Variants in ZNF721 observed in about 807,000 individuals in gnomAD.
ZNF721 encodes the protein zinc finger protein 721.
ZNF721 carries 2 observed loss-of-function variants against 2.4 expected under a neutral mutation model. The ratio of observed to expected loss-of-function variants is 0.82; its 90% CI spans 0.34 to 2.58. The LOEUF is 2.58. ZNF721 is among the 30% of genes most tolerant of loss of function. The probability of loss-of-function intolerance (pLI) is 0.11; values close to 1 mark genes in which losing one functional copy is unlikely to be tolerated. For missense variants in ZNF721, 1,187 were observed against 1,085.5 expected (o/e 1.09, Z -1.31); for synonymous variants, 398 against 381.8 (o/e 1.04, Z -0.50).
rs1162419908 is a variant in ZNF721 at position 471,078 on chromosome 4, T to C, written c.34+1497A>G. Among the ~76,000 whole-genome samples, 3 of 151,768 alleles carry C rather than the reference T, an allele frequency of 2.0e-5. No homozygotes were observed. In the East Asian group the frequency reaches 5.8e-4, roughly 29 times the overall value. ...GCAATTCAAAGCAAAACAATAATAA[T>C]GATGATAACCCATTCAAAAATGGGC... On this transcript the variant is annotated intron_variant, in intron 2 of 2. Transcript: ENST00000511833.
rs777532496 is a variant in ZNF721, at chr4:444,256, T to A, written c.211A>T (p.Lys71Ter). Residue 71 changes from lysine to a stop codon, truncating the protein, a stop_gained, in exon 3 of 3, where the codon AAA becomes TAA. Coordinates refer to ENST00000511833, the MANE Select transcript of ZNF721 (RefSeq NM_133474.4). LOFTEE classifies it low-confidence loss of function (END_TRUNC). ...VQKGVYNGIN[K>*]CLSNTQSKIF... is the part of the protein sequence containing the mutation. ...TTGCTCTGAGTATTTGACAAGCATT[T>A]ATTAATTCCATTATAAACTCCCTTC... The A allele has an allele frequency of 6.2e-7, 1 of 1,613,840 alleles. No individual in the cohort carries two copies. Among genetic ancestry groups the A allele is most frequent in the South Asian group, 1.1e-5 (1 of 91,054 alleles).
intron 2 of ZNF721, among the ~76,000 whole-genome samples, chr4:462,113 A>T (rs1715090151): frequency 1.3e-5 from 2 of 152,208 alleles, no homozygotes; most frequent in Non-Finnish European, 2.9e-5. Flanking sequence ...TACCAATAAT[A>T]GACAAACAGA....
intron 2 of ZNF721, among the ~76,000 whole-genome samples, chr4:468,900 A>G (rs568528739): frequency 1.3e-4 from 20 of 152,332 alleles, no homozygotes; most frequent in Admixed American, 8.5e-4. Context: ...ATTATTACCA[A>G]AAGTTTGTAT....
At chr4:479,601 G>A (rs549948159) in intron 1 of ZNF721, among the ~76,000 whole-genome samples, 6 of 152,372 alleles carry the variant, frequency 3.9e-5, no homozygotes, top group African/African-American at 1.2e-4. Flanking sequence ...GCCCTGATGA[G>A]AGGGGTGATG....
In ZNF721 at chr4:443,122, C is replaced by G; in HGVS notation, c.1345G>C (p.Glu449Gln). ...GAATGTATAAAGGCTTTCCCACATT[C>G]TTTACATTTGTAGGGTTTATCTCCA... The part of the protein sequence containing the change: ...HTGDKPYKCK[E>Q]CGKAFIHSLH... The change falls in exon 3 of 3, where the codon GAA (glutamate) becomes CAA (glutamine). Residue 449 changes from glutamate to glutamine, a missense_variant. Transcript: ENST00000511833. 1 of 1,613,846 alleles carries G rather than the reference C, an allele frequency of 6.2e-7. No homozygotes were observed. Among genetic ancestry groups the G allele is most frequent in the Non-Finnish European group, 8.5e-7 (1 of 1,179,856 alleles).
intron 1 of ZNF721, among the ~76,000 whole-genome samples, chr4:492,003 ATAC>A (rs1716034116): frequency 6.6e-6 from 1 of 150,602 alleles, no homozygotes; most frequent in Non-Finnish European, 1.5e-5. Flanking sequence ...AAAAAAAAAA[ATAC>A]AAAAAATTAG....
At chr4:495,392 C>A (rs1363925409) in intron 1 of ZNF721, among the ~76,000 whole-genome samples, 2 of 141,968 alleles carry the variant, frequency 1.4e-5, no homozygotes, top group Admixed American at 1.4e-4. Flanking sequence ...AAACATGAAA[C>A]CTTCTAAATA....
Position 463,174 on chromosome 4 carries a change from G to A in ZNF721, c.34+9401C>T, listed in dbSNP as rs148645505. ...GAGAAAAAGCTCATCGTCACTGGTCGTTAGAGAAATGCAAATCAAAACCAC... is the reference window on the plus strand; with the variant it reads ...GAGAAAAAGCTCATCGTCACTGGTCATTAGAGAAATGCAAATCAAAACCAC... On this transcript the variant is annotated intron_variant, in intron 2 of 2. Coordinates refer to ENST00000511833, the MANE Select transcript of ZNF721 (RefSeq NM_133474.4). Among the ~76,000 whole-genome samples, 1,140 of 152,278 alleles carry A rather than the reference G, an allele frequency of 7.5e-3. 12 individuals carry two copies. The highest frequency in any genetic ancestry group is 0.071 in the Middle Eastern group (21 of 294).
rs782005434 is a variant in ZNF721, at chr4:443,183, C to A, written c.1284G>T (p.Leu428Phe). ...TCEDRGRAFGLSTNLNEYKKI... is the reference protein window; with the variant it reads ...TCEDRGRAFGFSTNLNEYKKI... ...TCTTATATTCATTCAGGTTTGTGGA[C>A]AATCCAAAGGCTCTGCCACGATCTT... The change falls in exon 3 of 3, where the codon TTG becomes TTT. Residue 428 changes from leucine to phenylalanine, a missense_variant. By Grantham distance (22) the Leu-to-Phe change is conservative. Transcript: ENST00000511833. 1.2e-6 allele frequency: 2 copies of A among 1,613,722 alleles called. No individual in the cohort carries two copies. The highest frequency in any genetic ancestry group is 1.1e-5 in the South Asian group (1 of 91,064).
chr4:460,627 C>CAA (rs199519505), intron 2 of ZNF721, among the ~76,000 whole-genome samples: 6 of 101,394 alleles, frequency 5.9e-5, no homozygotes, highest in African/African-American at 1.8e-4. Context: ...AAGACCCTTT[C>CAA]AAAAAAAAAA....
At chr4:467,216 CA>C (rs782621988) in intron 2 of ZNF721, among the ~76,000 whole-genome samples, 4 of 105,110 alleles carry the variant, frequency 3.8e-5, no homozygotes, top group East Asian at 2.4e-4. Context: ...GACTCCATCT[CA>C]AAAAAAAAAC....
chr4:499,113 G>A lies in ZNF721; in HGVS notation c.-151C>T, dbSNP rs1039098357. The A allele has an allele frequency of 3.5e-6, 2 of 567,340 alleles. No individual in the cohort carries two copies. Among genetic ancestry groups the A allele is most frequent in the Non-Finnish European group, 6.1e-6 (2 of 328,670 alleles). The allele number at this position is 567,340 out of a possible 1,614,324, so 35.1% of individuals were successfully genotyped here. On this transcript the variant is annotated 5_prime_UTR_variant, in exon 1 of 3. Coordinates refer to ENST00000511833, the MANE Select transcript of ZNF721 (RefSeq NM_133474.4). ...CGGGAAGACGGCCCCACGGAGCCGG[G>A]AACACCGCCCGCTGTTCGTATGTCC...
At chr4:461,192 A>C (rs975695757) in intron 2 of ZNF721, among the ~76,000 whole-genome samples, 2 of 152,206 alleles carry the variant, frequency 1.3e-5, no homozygotes, top group Non-Finnish European at 1.5e-5. Context: ...TCGATGTGAA[A>C]ATCCTCAATA....
chr4:455,538 G>A (rs1714818971), intron 2 of ZNF721, among the ~76,000 whole-genome samples: 1 of 151,972 alleles, frequency 6.6e-6, no homozygotes, highest in Admixed American at 6.5e-5. Flanking sequence ...CTGCGCTCTA[G>A]CCTGGCAACA....
In ZNF721 at chr4:444,432, G is replaced by A. The variant is rs1553863933; in HGVS notation, c.35C>T (p.Ala12Val). The change falls in exon 3 of 3, where the codon GCT becomes GTT. Residue 12 changes from alanine (A) to valine (V), a missense_variant and splice_region_variant. By Grantham distance (64) the Ala-to-Val change is moderately conservative. Coordinates refer to ENST00000511833, the MANE Select transcript of ZNF721 (RefSeq NM_133474.4). Reference sequence around the variant, plus strand: ...GTCTTGGGTGAAATGAGAACACATAGCTGAAAGAAACAAAAATAACAAATT... The same window carrying A: ...GTCTTGGGTGAAATGAGAACACATAACTGAAAGAAACAAAAATAACAAATT... ...LENYRNLVSL[A>V]MCSHFTQDFL... 6.4e-7 allele frequency: 1 copy of A among 1,560,436 alleles called. No homozygotes were observed. Among genetic ancestry groups the A allele is most frequent in the South Asian group, 1.2e-5 (1 of 82,602 alleles).
intron 2 of ZNF721, among the ~76,000 whole-genome samples, chr4:471,165 G>T (rs1476776510): frequency 6.6e-6 from 1 of 152,034 alleles, no homozygotes; most frequent in East Asian, 1.9e-4. Context: ...TGCTGTTAGT[G>T]AGATGTAAAT....
intron 1 of ZNF721, among the ~76,000 whole-genome samples, chr4:480,827 G>GA (rs1553869354): frequency 6.9e-6 from 1 of 144,796 alleles, no homozygotes; most frequent in Non-Finnish European, 1.5e-5. Flanking sequence ...CTTTTGTGGG[G>GA]GGGGGGGGAA....
At chr4:448,441 C>G (rs1347727720) in intron 2 of ZNF721, among the ~76,000 whole-genome samples, 2 of 141,232 alleles carry the variant, frequency 1.4e-5, no homozygotes, top group African/African-American at 5.1e-5. Flanking sequence ...GTATCCCCCC[C>G]CAAAAAAAAA....
intron 2 of ZNF721, among the ~76,000 whole-genome samples, chr4:451,674 T>G (rs1714665030): frequency 6.6e-6 from 1 of 152,234 alleles, no homozygotes; most frequent in Non-Finnish European, 1.5e-5. Context: ...TTACGTGAAA[T>G]AAAGGTTGTT....
Sources: gnomAD v4.1 joint callset for allele counts (sites outside exome capture counted in the v4.1 genomes callset) on GRCh38, gnomAD v4.1.1 for gene constraint, MANE v1.5 for transcripts, NCBI Gene and HGNC (gene_info 2026-07-23, HGNC 2026-07-21) for gene names.